RPTOR: variants seen among roughly 807,000 people sequenced by gnomAD.
The protein encoded by RPTOR is regulatory-associated protein of mTOR.
RPTOR carries 21 observed loss-of-function variants against 169.9 expected under a neutral mutation model. The observed-to-expected ratio is 0.12, with a 90% CI of 0.09 to 0.18. RPTOR has a LOEUF of 0.18. Ranked by LOEUF, RPTOR falls within the 10% of genes least tolerant of loss-of-function variation. The probability of loss-of-function intolerance (pLI) is 1.00; values close to 1 mark genes in which losing one functional copy is unlikely to be tolerated. For synonymous variants in RPTOR, 732 were observed against 753.2 expected, an observed-to-expected ratio of 0.97 and a Z score of 0.46; for missense variants, 1,133 against 1,855.9, an observed-to-expected ratio of 0.61 and a Z score of 7.16.
At chr17:80,685,199 G>GCACCTCATTCGGAGTCGCCCCTC in intron 3 of RPTOR, among the ~76,000 whole-genome samples, 1 of 151,260 alleles carries the variant, frequency 6.6e-6, no homozygotes, top group Non-Finnish European at 1.5e-5. Context: ...ATTCAGGGTC[G>GCACCTCATTCGGAGTCGCCCCTC]CTTGTTGCGT....
At chr17:80,758,631 G>A (rs2066704332) in intron 6 of RPTOR, among the ~76,000 whole-genome samples, 1 of 152,122 alleles carries the variant, frequency 6.6e-6, no homozygotes, top group South Asian at 2.1e-4. Context: ...TGGAGCTTCT[G>A]TAGACGCACA....
chr17:80,731,691 G>A (rs2066394669), intron 5 of RPTOR, among the ~76,000 whole-genome samples: 1 of 152,176 alleles, frequency 6.6e-6, no homozygotes, highest in African/African-American at 2.4e-5. Context: ...GAGTTCTACT[G>A]GTTGCAGTAT....
chr17:80,838,915 A>T (rs1567940993), intron 10 of RPTOR, among the ~76,000 whole-genome samples: 1 of 152,238 alleles, frequency 6.6e-6, no homozygotes, highest in Non-Finnish European at 1.5e-5. Context: ...TTAATGTAAG[A>T]AAAGTGCTTT....
intron 3 of RPTOR, among the ~76,000 whole-genome samples, chr17:80,663,726 C>T (rs1463432383): frequency 6.6e-6 from 1 of 152,044 alleles, no homozygotes; most frequent in African/African-American, 2.4e-5. Context: ...CTTTGAAACC[C>T]CCTCTGAGCC....
chr17:80,932,146 C>CATATATATATATATATATAT (rs57950527), intron 24 of RPTOR, among the ~76,000 whole-genome samples: 47 of 145,946 alleles, frequency 3.2e-4, no homozygotes, highest in Middle Eastern at 7.1e-3. Context: ...TCCAGGCATG[C>CATATATATATATATATATAT]ATATATATAT....
chr17:80,814,199 G>A (rs1356424232), intron 7 of RPTOR, among the ~76,000 whole-genome samples: 1 of 152,072 alleles, frequency 6.6e-6, no homozygotes, highest in African/African-American at 2.4e-5. Context: ...GAAACTTGCT[G>A]TAGCCTCCTT....
chr17:80,594,241 G>A (rs915263312), intron 1 of RPTOR, among the ~76,000 whole-genome samples: 6 of 152,136 alleles, frequency 3.9e-5, no homozygotes, highest in Non-Finnish European at 5.9e-5. Context: ...TTAGAGGTGC[G>A]TGCCACCATG....
chr17:80,761,079 G>A (rs1222581859), intron 6 of RPTOR, among the ~76,000 whole-genome samples: 3 of 152,086 alleles, frequency 2.0e-5, no homozygotes, highest in Non-Finnish European at 4.4e-5. Flanking sequence ...CCACATAAAT[G>A]ATTATCTTAC....
chr17:80,893,238 G>A (rs1300672068), intron 19 of RPTOR, among the ~76,000 whole-genome samples: 3 of 151,868 alleles, frequency 2.0e-5, no homozygotes, highest in Admixed American at 1.3e-4. Flanking sequence ...GTGTGCGCCG[G>A]GGCGTGTGTG....
intron 9 of RPTOR, among the ~76,000 whole-genome samples, chr17:80,836,373 G>A (rs1272010659): frequency 6.6e-6 from 1 of 152,248 alleles, no homozygotes; most frequent in Non-Finnish European, 1.5e-5. Flanking sequence ...CTATGTGCCT[G>A]GCACTGGGAA....
At chr17:80,665,930 C>G (rs2143664716) in intron 3 of RPTOR, among the ~76,000 whole-genome samples, 1 of 152,272 alleles carries the variant, frequency 6.6e-6, no homozygotes, top group African/African-American at 2.4e-5. Flanking sequence ...TCTTGTTTGT[C>G]TCGTAACCCT....
chr17:80,694,695 C>T (rs139218203), intron 3 of RPTOR, among the ~76,000 whole-genome samples: 1 of 152,152 alleles, frequency 6.6e-6, no homozygotes, highest in Non-Finnish European at 1.5e-5. Flanking sequence ...AGTGATTTTC[C>T]CGAGGAGATG....
At chr17:80,664,308 A>AT (rs1228445864) in intron 3 of RPTOR, among the ~76,000 whole-genome samples, 2 of 152,040 alleles carry the variant, frequency 1.3e-5, no homozygotes, top group African/African-American at 2.4e-5. Context: ...AGCTGTGTTT[A>AT]TTTTTTTCCC....
intron 3 of RPTOR, among the ~76,000 whole-genome samples, chr17:80,686,040 C>G (rs988145954): frequency 1.3e-5 from 2 of 152,014 alleles, no homozygotes; most frequent in Non-Finnish European, 2.9e-5. Flanking sequence ...CCATCTGGTG[C>G]TGTTCATTTT....
intron 1 of RPTOR, among the ~76,000 whole-genome samples, chr17:80,596,827 A>G (rs1263018569): frequency 8.5e-5 from 13 of 152,220 alleles, no homozygotes; most frequent in Non-Finnish European, 1.9e-4. Context: ...ACCACGCCAC[A>G]GGGTTGTCAC....
At chr17:80,606,846 G>A (rs550855916) in intron 1 of RPTOR, among the ~76,000 whole-genome samples, 37 of 152,014 alleles carry the variant, frequency 2.4e-4, no homozygotes, top group Non-Finnish European at 4.7e-4. Context: ...CCGTTTAATT[G>A]CACTGCATAT....
Position 80,545,675 on chromosome 17 carries a change from G to C in RPTOR, c.46G>C (p.Glu16Gln). ...ATCGCCTCTTCTGGGCCTGGGGGAG[G>C]AAGATGAGGCTGATCTTACAGACTG... ...LQSPLLGLGE[E>Q]DEADLTDWNL... Residue 16 changes from glutamate (E) to glutamine (Q), a missense_variant, in exon 1 of 34, where the codon GAA (glutamate) becomes CAA (glutamine). Glu to Gln is a conservative substitution (Grantham distance 29). Transcript: ENST00000306801. The C allele has an allele frequency of 6.2e-7, 1 of 1,613,792 alleles. No homozygotes were observed. The highest frequency in any genetic ancestry group is 1.3e-5 in the African/African-American group (1 of 74,992).
intron 27 of RPTOR, among the ~76,000 whole-genome samples, 193 bp from the exon 28 acceptor site, chr17:80,949,250 G>A (rs1365016140): frequency 6.6e-6 from 1 of 152,142 alleles, no homozygotes; most frequent in South Asian, 2.1e-4. Context: ...CTGCTGGCTC[G>A]CCCAGATATG....
intron 3 of RPTOR, among the ~76,000 whole-genome samples, chr17:80,688,928 T>C (rs1240368569): frequency 6.6e-6 from 1 of 152,190 alleles, no homozygotes; most frequent in African/African-American, 2.4e-5. Context: ...GAGTGCCTTT[T>C]TCTGCTTTAC....
Sources: gnomAD v4.1 joint callset for allele counts (sites outside exome capture counted in the v4.1 genomes callset) on GRCh38, gnomAD v4.1.1 for gene constraint, MANE v1.5 for transcripts, NCBI Gene and HGNC (gene_info 2026-07-23, HGNC 2026-07-21) for gene names.